The following B3GALT1 variants were observed in gnomAD, a reference collection of about 807,000 sequenced individuals.
The protein encoded by B3GALT1 is UDP-Gal:betaGlcNAc beta 1,3-galactosyltransferase, polypeptide 1.
B3GALT1 carries 10 observed loss-of-function variants against 23.2 expected under a neutral mutation model. That is an observed-to-expected ratio of 0.43 (90% CI 0.27 to 0.73). The LOEUF is 0.73. Ranked by LOEUF, B3GALT1 falls within the 30% of genes least tolerant of loss-of-function variation. B3GALT1 has a pLI of 0.21. For missense variants in B3GALT1, 299 were observed against 405.4 expected (o/e 0.74, Z 2.25); for synonymous variants, 156 against 141.5 (o/e 1.10, Z -0.73).
intron 1 of B3GALT1, among the ~76,000 whole-genome samples, chr2:167,382,287 CTAAGT>C (rs149914503): frequency 0.017 from 2,532 of 152,170 alleles, 76 homozygotes; most frequent in African/African-American, 0.058. Flanking sequence ...ACCTTGCTTT[CTAAGT>C]TTTTTTCTCT....
intron 1 of B3GALT1, among the ~76,000 whole-genome samples, chr2:167,330,290 C>T (rs1407309405): frequency 6.6e-6 from 1 of 151,590 alleles, no homozygotes; most frequent in African/African-American, 2.4e-5. Context: ...TCTGCTAGAT[C>T]TAGTCTATTG....
At chr2:167,600,489 A>T (rs1684854658) in intron 2 of B3GALT1, among the ~76,000 whole-genome samples, 1 of 152,132 alleles carries the variant, frequency 6.6e-6, no homozygotes, top group East Asian at 1.9e-4. Flanking sequence ...AATTATCATC[A>T]CCTCAAAAAA....
At chr2:167,682,384 C>A (rs1219366431) in intron 3 of B3GALT1, among the ~76,000 whole-genome samples, 1 of 152,220 alleles carries the variant, frequency 6.6e-6, no homozygotes, top group African/African-American at 2.4e-5. Flanking sequence ...CTCGTAATTT[C>A]TGCTGCCATG....
At chr2:167,323,012 A>G (rs1217109004) in intron 1 of B3GALT1, among the ~76,000 whole-genome samples, 1 of 152,048 alleles carries the variant, frequency 6.6e-6, no homozygotes, top group African/African-American at 2.4e-5. Context: ...ATTTTGTCTC[A>G]ATTTCATTAT....
chr2:167,537,825 C>CTTTTTTT (rs530916294), intron 2 of B3GALT1, among the ~76,000 whole-genome samples: 1 of 132,936 alleles, frequency 7.5e-6, no homozygotes, highest in African/African-American at 2.8e-5. Flanking sequence ...GATGCTTGTT[C>CTTTTTTT]TTTTTTTTTT....
chr2:167,716,202 A>G, intron 3 of B3GALT1: 1 of 1,016,282 alleles, frequency 9.8e-7, no homozygotes, highest in Non-Finnish European at 1.4e-6. Flanking sequence ...CCGGCTGCGG[A>G]GGGAGCTGGG....
At chr2:167,542,902 GT>G (rs1482626232) in intron 2 of B3GALT1, among the ~76,000 whole-genome samples, 1 of 151,420 alleles carries the variant, frequency 6.6e-6, no homozygotes, top group Non-Finnish European at 1.5e-5. Flanking sequence ...TACCCTATAA[GT>G]TAAAAAAGTA....
intron 3 of B3GALT1, among the ~76,000 whole-genome samples, chr2:167,678,372 C>CA (rs1369478482): frequency 1.3e-5 from 2 of 152,002 alleles, no homozygotes; most frequent in Non-Finnish European, 2.9e-5. Flanking sequence ...AACTGAGGCC[C>CA]AAAAAAGCTA....
intron 2 of B3GALT1, among the ~76,000 whole-genome samples, chr2:167,564,622 A>G (rs2105394145): frequency 6.6e-6 from 1 of 152,296 alleles, no homozygotes; most frequent in Admixed American, 6.5e-5. Context: ...GCACCTCGGG[A>G]GGCCGAGGCC....
intron 1 of B3GALT1, among the ~76,000 whole-genome samples, chr2:167,327,803 T>C (rs1559066792): frequency 6.6e-6 from 1 of 152,202 alleles, no homozygotes; most frequent in African/African-American, 2.4e-5. Flanking sequence ...TTGTTACAGT[T>C]CTTACAGGAA....
intron 1 of B3GALT1, among the ~76,000 whole-genome samples, chr2:167,433,089 T>C (rs906792513): frequency 4.6e-5 from 7 of 152,218 alleles, no homozygotes; most frequent in Admixed American, 1.3e-4. Flanking sequence ...ATAGTCATAT[T>C]CATCCCTCCT....
intron 1 of B3GALT1, among the ~76,000 whole-genome samples, chr2:167,476,168 C>T (rs564857712): frequency 2.0e-5 from 3 of 152,218 alleles, no homozygotes; most frequent in African/African-American, 7.2e-5. Context: ...ACAATTCAAC[C>T]CATAACAACA....
rs60655098 is a variant in B3GALT1, at chr2:167,323,076, CA to C, written c.-511+29745del. On this transcript the variant is annotated intron_variant, in intron 1 of 4. Transcript: ENST00000392690. The stretch of plus-strand genomic sequence containing the variant: ...TTCTGGCCTTTTTAAAAAATAAAGG[CA>C]AAGCACAATAAAACATTATTATGAT... Among the ~76,000 whole-genome samples, 626 of 146,188 alleles carry C rather than the reference CA, an allele frequency of 4.3e-3. 5 individuals carry two copies. Among genetic ancestry groups the C allele is most frequent in the African/African-American group, 0.015 (614 of 40,008 alleles).
At chr2:167,308,767 C>T (rs1011580309) in intron 1 of B3GALT1, among the ~76,000 whole-genome samples, 1 of 152,014 alleles carries the variant, frequency 6.6e-6, no homozygotes, top group African/African-American at 2.4e-5. Context: ...TAAATCAGAT[C>T]GGATATGAGA....
At chr2:167,575,369 T>G (rs1684362863) in intron 2 of B3GALT1, among the ~76,000 whole-genome samples, 1 of 151,812 alleles carries the variant, frequency 6.6e-6, no homozygotes, top group Non-Finnish European at 1.5e-5. Flanking sequence ...TATAGAACTC[T>G]AATGCTGTTT....
intron 1 of B3GALT1, among the ~76,000 whole-genome samples, chr2:167,364,351 AT>A (rs1202544949): frequency 1.6e-4 from 24 of 146,174 alleles, no homozygotes; most frequent in South Asian, 6.5e-4. Flanking sequence ...TTTTTTTTTC[AT>A]TTTTTTATTA....
At chr2:167,774,135 G>A (rs546667149) in intron 3 of B3GALT1, among the ~76,000 whole-genome samples, 114 of 152,152 alleles carry the variant, frequency 7.5e-4, no homozygotes, top group African/African-American at 2.6e-3. Context: ...GACATAATGC[G>A]ATCACCAAAA....
intron 1 of B3GALT1, among the ~76,000 whole-genome samples, chr2:167,364,733 C>T (rs910712803): frequency 1.3e-5 from 2 of 152,060 alleles, no homozygotes; most frequent in Non-Finnish European, 2.9e-5. Flanking sequence ...TATATATATA[C>T]ACATACACCC....
At chr2:167,723,561 C>T (rs1328805432) in intron 3 of B3GALT1, among the ~76,000 whole-genome samples, 3 of 150,888 alleles carry the variant, frequency 2.0e-5, no homozygotes, top group Non-Finnish European at 4.4e-5. Flanking sequence ...CAAAGTCTCA[C>T]TCTGTTGCCC....
Sources: allele counts gnomAD v4.1 joint callset (sites outside exome capture counted in the v4.1 genomes callset), GRCh38; gene constraint gnomAD v4.1.1; transcripts MANE v1.5; gene names NCBI Gene and HGNC (gene_info 2026-07-23, HGNC 2026-07-21).